CBLB: variants seen among roughly 807,000 people sequenced by gnomAD.
CBLB encodes the protein E3 ubiquitin-protein ligase CBL-B.
In CBLB, 31 loss-of-function variants were observed where a neutral mutation model predicts 104.9. That is an observed-to-expected ratio of 0.30 (90% CI 0.22 to 0.40). The LOEUF is 0.40. Among genes scored for constraint, CBLB ranks in the 10% least tolerant of loss-of-function variants. The probability of loss-of-function intolerance (pLI) is 1.00; values close to 1 mark genes in which losing one functional copy is unlikely to be tolerated. For synonymous variants in CBLB, 440 were observed against 422.6 expected (o/e 1.04, Z -0.51); for missense variants, 1,062 against 1,214.6 (o/e 0.87, Z 1.87).
intron 10 of CBLB, among the ~76,000 whole-genome samples, chr3:105,719,528 G>A (rs1354509322): frequency 6.6e-6 from 1 of 152,178 alleles, no homozygotes; most frequent in Non-Finnish European, 1.5e-5. Flanking sequence ...TGACATCATA[G>A]CCACCTTAAC....
At chr3:105,766,900 G>C (rs1321685316) in intron 4 of CBLB, among the ~76,000 whole-genome samples, 1 of 152,126 alleles carries the variant, frequency 6.6e-6, no homozygotes, top group African/African-American at 2.4e-5. Flanking sequence ...TAATGGTACA[G>C]AGCTGATTTT....
At chr3:105,757,866 G>T (rs2077223908) in intron 4 of CBLB, among the ~76,000 whole-genome samples, 2 of 152,110 alleles carry the variant, frequency 1.3e-5, no homozygotes, top group South Asian at 4.1e-4. Flanking sequence ...ATATTCAGCA[G>T]CCCAACTCTA....
chr3:105,679,286 C>G (rs1029694767), intron 16 of CBLB, among the ~76,000 whole-genome samples: 2 of 146,614 alleles, frequency 1.4e-5, no homozygotes, highest in Non-Finnish European at 3.0e-5. Context: ...CTTATTTGTC[C>G]CCTGTCACAC....
chr3:105,845,372 G>C (rs1421488825), intron 3 of CBLB, among the ~76,000 whole-genome samples: 16 of 147,670 alleles, frequency 1.1e-4, no homozygotes, highest in Admixed American at 1.1e-3. Context: ...TATTAACATG[G>C]GGCTTAGAAA....
intron 18 of CBLB, among the ~76,000 whole-genome samples, chr3:105,669,740 A>C (rs1045748907): frequency 9.9e-5 from 15 of 152,200 alleles, no homozygotes; most frequent in Admixed American, 5.9e-4. Context: ...AGAAGCAAAG[A>C]AGCAGCATTC....
chr3:105,763,914 G>T (rs1007955619), intron 4 of CBLB, among the ~76,000 whole-genome samples: 1 of 152,174 alleles, frequency 6.6e-6, no homozygotes, highest in Non-Finnish European at 1.5e-5. Flanking sequence ...TCTTGCCCTT[G>T]TTCCCTAAAC....
Position 105,658,356 on chromosome 3 carries a change from T to G in CBLB, c.*614A>C, listed in dbSNP as rs2063480936. ...TTTTCCCATCTCTCAATAGTGATGG[T>G]TTCCAAAGAAGAAACTCAGTAGTGA... is the stretch of plus-strand genomic sequence containing the variant. On this transcript the variant is annotated 3_prime_UTR_variant, in exon 19 of 19. Transcript: ENST00000394030. The G allele has an allele frequency of 4.5e-6, 1 of 223,646 alleles. No homozygotes were observed. 13.9% of individuals were successfully genotyped at this position (223,646 alleles called of 1,614,324 possible). A position where few individuals can be genotyped will look rare whatever the true frequency, so the allele number is the denominator to read the frequency against.
rs548525419 is a variant in CBLB at position 105,690,704 on chromosome 3, C to T, written c.2054+2790G>A. 2.5e-4 allele frequency among the ~76,000 whole-genome samples: 38 copies of T among 152,064 alleles called. No homozygotes were observed. In the South Asian group the frequency reaches 7.5e-3, roughly 30 times the overall value. On this transcript the variant is annotated intron_variant, in intron 13 of 18. Coordinates refer to ENST00000394030, the MANE Select transcript of CBLB (RefSeq NM_170662.5). Reference sequence around the variant, plus strand: ...GGGCATAGTGGCGGACGACTATAGTCCCAGCTACTTGAAAGGCTGAGGCAG... The same window carrying T: ...GGGCATAGTGGCGGACGACTATAGTTCCAGCTACTTGAAAGGCTGAGGCAG...
At chr3:105,758,692 A>C (rs2077303975) in intron 4 of CBLB, among the ~76,000 whole-genome samples, 1 of 152,246 alleles carries the variant, frequency 6.6e-6, no homozygotes, top group South Asian at 2.1e-4. Flanking sequence ...CTGCTGTAGC[A>C]GGGCGGGCAG....
chr3:105,805,407 C>A (rs991409039), intron 3 of CBLB, among the ~76,000 whole-genome samples: 1 of 151,434 alleles, frequency 6.6e-6, no homozygotes, highest in Admixed American at 6.6e-5. Context: ...CAGGTTCAAG[C>A]GATTCCTGTG....
At position 105,702,476 on chromosome 3, in the gene CBLB, GAAAAA is replaced by G. The variant is rs34208930; in HGVS notation, c.1594-22_1594-18del. The G allele has an allele frequency of 6.2e-4, 174 of 279,408 alleles. No homozygotes were observed. The highest frequency in any genetic ancestry group is 7.5e-4 in the Non-Finnish European group (144 of 191,940). 17.3% of individuals were successfully genotyped at this position (279,408 alleles called of 1,614,324 possible). A position where few individuals can be genotyped will look rare whatever the true frequency, so the allele number is the denominator to read the frequency against. On this transcript the variant is annotated intron_variant, in intron 11 of 18. Coordinates refer to ENST00000394030, the MANE Select transcript of CBLB (RefSeq NM_170662.5). The stretch of plus-strand genomic sequence containing the variant: ...AGGAGAAGACTAAAGAAACAGAAGA[GAAAAA>G]AAAAAAAAAAAAAAAAAACTAAAGG...
Position 105,864,683 on chromosome 3 carries a change from C to T in CBLB, c.168+2727G>A, listed in dbSNP as rs77764715. ...TATAAGGAACACAACTGAGCAATTACGCTCTCCTATTCTCAGTGACCTTAG... is the reference window on the plus strand; with the variant it reads ...TATAAGGAACACAACTGAGCAATTATGCTCTCCTATTCTCAGTGACCTTAG... On this transcript the variant is annotated intron_variant, in intron 2 of 18. Transcript: ENST00000394030. 6.4e-3 allele frequency among the ~76,000 whole-genome samples: 975 copies of T among 152,264 alleles called. 31 individuals carry two copies. The highest frequency in any genetic ancestry group is 0.055 in the East Asian group (283 of 5,168).
chr3:105,689,720 A>G (rs2067437185), intron 13 of CBLB, among the ~76,000 whole-genome samples: 1 of 151,764 alleles, frequency 6.6e-6, no homozygotes, highest in Admixed American at 6.6e-5. Context: ...TAGTAAATAA[A>G]TAATTTAAAC....
At chr3:105,782,251 T>G (rs1206372520) in intron 3 of CBLB, among the ~76,000 whole-genome samples, 3 of 152,186 alleles carry the variant, frequency 2.0e-5, no homozygotes, top group Non-Finnish European at 1.5e-5. Context: ...CATTAAAAGT[T>G]CAAATACCAA....
chr3:105,703,885 A>G, intron 11 of CBLB, 103 bp downstream of exon 11: 1 of 1,078,848 alleles, frequency 9.3e-7, no homozygotes, highest in South Asian at 1.4e-5. Flanking sequence ...ACTTATTCAC[A>G]ATTAAAAGCA....
At chr3:105,857,918 A>G (rs2091768423) in intron 2 of CBLB, among the ~76,000 whole-genome samples, 1 of 152,214 alleles carries the variant, frequency 6.6e-6, no homozygotes, top group African/African-American at 2.4e-5. Flanking sequence ...CAGCTCACTC[A>G]TCTCCACATA....
chr3:105,702,230 C>T lies in CBLB; in HGVS notation c.1823G>A (p.Arg608Gln), dbSNP rs988627410. The T allele has an allele frequency of 4.3e-6, 7 of 1,613,970 alleles. No homozygotes were observed. In the Admixed American group the frequency reaches 6.7e-5, roughly 15 times the overall value. ...TTTTGGAGAGCCCTCCCCTAGGAGT[C>T]GACATCCCACAAGCTGATTAGTCCC... ...VFGTNQLVGC[R>Q]LLGEGSPKPG... Residue 608 changes from arginine (R) to glutamine (Q), a missense_variant, in exon 12 of 19, where the codon CGA becomes CAA. By Grantham distance (43) the Arg-to-Gln change is conservative. Transcript: ENST00000394030.
chr3:105,679,767 T>A (rs916473684), intron 16 of CBLB, among the ~76,000 whole-genome samples: 1 of 25,022 alleles, frequency 4.0e-5, no homozygotes, highest in African/African-American at 1.4e-4. Context: ...AGAGAAAGAC[T>A]GTCTCAAAAA....
chr3:105,867,491 A>G lies in CBLB; in HGVS notation c.87T>C (p.Ile29=). 6.2e-7 allele frequency: 1 copy of G among 1,614,176 alleles called. No homozygotes were observed. Among genetic ancestry groups the G allele is most frequent in the Non-Finnish European group, 8.5e-7 (1 of 1,180,034 alleles). Residue 29 remains isoleucine (I), a synonymous_variant, in exon 2 of 19, where the codon ATT becomes ATC. Coordinates refer to ENST00000394030, the MANE Select transcript of CBLB (RefSeq NM_170662.5). ...KGRILGIIDA[I]QDAVGPPKQA... is the part of the protein sequence containing the mutation. Reference sequence around the variant, plus strand: ...GCTTAGGGGGTCCAACTGCATCCTGAATAGCATCAATAATACCCAAAATTC... The same window carrying G: ...GCTTAGGGGGTCCAACTGCATCCTGGATAGCATCAATAATACCCAAAATTC...
Sources: gnomAD v4.1 joint callset for allele counts (sites outside exome capture counted in the v4.1 genomes callset) on GRCh38, gnomAD v4.1.1 for gene constraint, MANE v1.5 for transcripts, NCBI Gene and HGNC (gene_info 2026-07-23, HGNC 2026-07-21) for gene names.